The following LYPD6B variants were observed in gnomAD, a reference collection of about 807,000 sequenced individuals.
LYPD6B encodes LY6/PLAUR domain containing 6B, also known as ly6/PLAUR domain-containing protein 6B.
Under a neutral mutation model 22.8 loss-of-function variants are expected in LYPD6B, and 17 were observed. The ratio of observed to expected loss-of-function variants is 0.75; its 90% CI spans 0.51 to 1.12. The LOEUF (loss-of-function observed/expected upper bound fraction) is 1.12, where lower values mean the gene tolerates loss of function less well. Ranked by LOEUF, LYPD6B falls within the 50% of genes most tolerant of loss-of-function variation. The pLI is 0.00. For missense variants in LYPD6B, 221 were observed against 258.3 expected (o/e 0.86, Z 0.99); for synonymous variants, 106 against 91.6 (o/e 1.16, Z -0.90).
At chr2:149,194,053 A>C (rs951306925) in intron 3 of LYPD6B, among the ~76,000 whole-genome samples, 7 of 152,138 alleles carry the variant, frequency 4.6e-5, no homozygotes, top group African/African-American at 1.7e-4. Context: ...GAAGCAGAAA[A>C]AGCTAAATTT....
At chr2:149,145,436 G>C (rs760788485) in intron 2 of LYPD6B, among the ~76,000 whole-genome samples, 1 of 152,196 alleles carries the variant, frequency 6.6e-6, no homozygotes, top group Admixed American at 6.5e-5. Flanking sequence ...CCGGGTGCGA[G>C]AGTGAGGGAA....
At chr2:149,147,357 T>C (rs540187) in intron 2 of LYPD6B, among the ~76,000 whole-genome samples, 96,696 of 152,152 alleles carry the variant, frequency 0.64, 30,849 homozygotes, top group South Asian at 0.75. Flanking sequence ...AGGGTATCTC[T>C]GAAGGACAGG....
intron 1 of LYPD6B, among the ~76,000 whole-genome samples, chr2:149,098,627 C>CAAAAAAAA (rs1285429577): frequency 2.4e-5 from 2 of 83,466 alleles, no homozygotes; most frequent in Non-Finnish European, 4.8e-5. Flanking sequence ...AACTCTGTCT[C>CAAAAAAAA]AAAAAAAAAA....
intron 1 of LYPD6B, among the ~76,000 whole-genome samples, chr2:149,091,673 A>G (rs1361442609): frequency 6.6e-6 from 1 of 151,912 alleles, no homozygotes; most frequent in African/African-American, 2.4e-5. Flanking sequence ...TAAGTATACT[A>G]CAGTCCAGTT....
intron 1 of LYPD6B, among the ~76,000 whole-genome samples, chr2:149,086,802 C>G (rs1159850818): frequency 6.6e-6 from 1 of 152,136 alleles, no homozygotes; most frequent in Non-Finnish European, 1.5e-5. Context: ...GGAGGGATCT[C>G]TTCCAGGCCT....
At chr2:149,059,908 C>G (rs186385425) in intron 1 of LYPD6B, among the ~76,000 whole-genome samples, 1 of 152,064 alleles carries the variant, frequency 6.6e-6, no homozygotes, top group East Asian at 1.9e-4. Flanking sequence ...CAGAAGGTGA[C>G]CTAAAGGTGG....
intron 1 of LYPD6B, among the ~76,000 whole-genome samples, chr2:149,055,879 T>C (rs528653921): frequency 6.6e-6 from 1 of 152,354 alleles, no homozygotes; most frequent in South Asian, 2.1e-4. Context: ...CTTGCCTAAT[T>C]GCCTTTGCTA....
At chr2:149,194,643 G>A (rs1692694654) in intron 3 of LYPD6B, among the ~76,000 whole-genome samples, 1 of 152,180 alleles carries the variant, frequency 6.6e-6, no homozygotes, top group African/African-American at 2.4e-5. Context: ...CTGATGGGGA[G>A]GGAGTCAGGG....
At chr2:149,199,341 G>A (rs550861981) in intron 3 of LYPD6B, among the ~76,000 whole-genome samples, 9 of 152,256 alleles carry the variant, frequency 5.9e-5, no homozygotes, top group African/African-American at 1.4e-4. Flanking sequence ...TGAACCTAAA[G>A]CTCATTGTTA....
intron 2 of LYPD6B, among the ~76,000 whole-genome samples, chr2:149,145,681 A>G (rs1427824940): frequency 6.6e-6 from 1 of 152,142 alleles, no homozygotes; most frequent in East Asian, 1.9e-4. Context: ...ATTTTGTCCT[A>G]TGAGCAGCTA....
chr2:149,137,640 C>T (rs1167183520), intron 2 of LYPD6B, among the ~76,000 whole-genome samples: 1 of 152,142 alleles, frequency 6.6e-6, no homozygotes, highest in Admixed American at 6.6e-5. Context: ...GTGAAACAAT[C>T]ATTATAGTTC....
intron 1 of LYPD6B, among the ~76,000 whole-genome samples, chr2:149,060,972 A>G (rs1684051120): frequency 6.6e-6 from 1 of 152,182 alleles, no homozygotes; most frequent in Non-Finnish European, 1.5e-5. Context: ...TCCTACAGTC[A>G]TTTAGAACTT....
chr2:149,116,513 T>C (rs1476842798), intron 1 of LYPD6B, among the ~76,000 whole-genome samples: 2 of 152,226 alleles, frequency 1.3e-5, no homozygotes, highest in Non-Finnish European at 2.9e-5. Context: ...TAATATTTAC[T>C]ACTAATTTGC....
intron 2 of LYPD6B, chr2:149,131,331 G>T: frequency 5.4e-6 from 1 of 186,216 alleles, no homozygotes; most frequent in Non-Finnish European, 1.1e-5. Context: ...TTGTGGTTCT[G>T]TTCACTGAAG....
intron 2 of LYPD6B, among the ~76,000 whole-genome samples, chr2:149,134,071 T>A (rs537838225): frequency 6.6e-6 from 1 of 152,152 alleles, no homozygotes; most frequent in South Asian, 2.1e-4. Flanking sequence ...GGCTGGGGAA[T>A]GCTGGCGGTA....
intron 2 of LYPD6B, among the ~76,000 whole-genome samples, chr2:149,139,014 C>G (rs749325735): frequency 6.6e-6 from 1 of 152,184 alleles, no homozygotes; most frequent in African/African-American, 2.4e-5. Context: ...AGTTCAGAAC[C>G]AAATGTAAAT....
At chr2:149,129,825 A>G (rs920837353) in intron 1 of LYPD6B, among the ~76,000 whole-genome samples, 15 of 152,198 alleles carry the variant, frequency 9.9e-5, no homozygotes, top group African/African-American at 3.4e-4. Context: ...TTCTAATTCA[A>G]TGCCTGGTGC....
At chr2:149,098,643 A>AAAAAAAAAAAAAAAAAAAAAG (rs57783804) in intron 1 of LYPD6B, among the ~76,000 whole-genome samples, 2 of 130,990 alleles carry the variant, frequency 1.5e-5, no homozygotes, top group African/African-American at 2.9e-5. Context: ...AAAAAAAAAA[A>AAAAAAAAAAAAAAAAAAAAAG]AAAAAAGAAA....
intron 1 of LYPD6B, among the ~76,000 whole-genome samples, chr2:149,113,012 A>T (rs1342995924): frequency 6.6e-6 from 1 of 152,188 alleles, no homozygotes; most frequent in African/African-American, 2.4e-5. Flanking sequence ...GATAGAAGGT[A>T]TGGTAGGAGA....
Sources: gnomAD v4.1 joint callset for allele counts (sites outside exome capture counted in the v4.1 genomes callset) on GRCh38, gnomAD v4.1.1 for gene constraint, MANE v1.5 for transcripts, NCBI Gene and HGNC (gene_info 2026-07-23, HGNC 2026-07-21) for gene names.